DCAF1: variants seen among roughly 807,000 people sequenced by gnomAD.
The protein encoded by DCAF1 is DDB1 and CUL4 associated factor 1.
A neutral mutation model predicts 128.0 loss-of-function variants in DCAF1; 15 were observed. The ratio of observed to expected loss-of-function variants is 0.12; its 90% CI spans 0.08 to 0.18. The LOEUF is 0.18. DCAF1 is among the 10% of genes least tolerant of loss of function. DCAF1 has a pLI of 1.00. For missense variants in DCAF1, 988 were observed against 1,649.5 expected, an observed-to-expected ratio of 0.60 and a Z score of 6.95; for synonymous variants, 610 against 603.0, an observed-to-expected ratio of 1.01 and a Z score of -0.17.
chr3:51,492,810 T>C (rs1329517811), intron 2 of DCAF1, among the ~76,000 whole-genome samples: 3 of 150,440 alleles, frequency 2.0e-5, no homozygotes, highest in Admixed American at 6.7e-5. Context: ...CTGGCTAACA[T>C]GGTGAAACCC....
intron 24 of DCAF1, among the ~76,000 whole-genome samples, 155 bp downstream of exon 24, chr3:51,402,988 G>T (rs113383899): frequency 1.3e-5 from 2 of 152,326 alleles, no homozygotes; most frequent in African/African-American, 4.8e-5. Context: ...GGAGGGCAGA[G>T]ATGCAAAGGT....
intron 6 of DCAF1, among the ~76,000 whole-genome samples, chr3:51,447,953 A>G (rs988947619): frequency 9.9e-5 from 15 of 152,062 alleles, no homozygotes; most frequent in Non-Finnish European, 2.1e-4. Flanking sequence ...ACTCAATTAA[A>G]AAAAAAAAAG....
At chr3:51,417,973 G>A (rs1345432110) in intron 17 of DCAF1, 143 bp downstream of exon 17, 5 of 1,012,594 alleles carry the variant, frequency 4.9e-6, no homozygotes, top group Non-Finnish European at 7.1e-6. Context: ...TATTAAACAT[G>A]AGTCTTAGAT....
Position 51,471,024 on chromosome 3 carries a change from G to A in DCAF1, c.111-19C>T, listed in dbSNP as rs558050576. ...AGACATCCTAGCACAAAGGAAACAA[G>A]GGGTCAACTCTGGACAAGCATAAAA... On this transcript the variant is annotated intron_variant, in intron 3 of 24. Coordinates refer to ENST00000684031, the MANE Select transcript of DCAF1 (RefSeq NM_001387579.1). 66 of 1,569,708 alleles carry A rather than the reference G, an allele frequency of 4.2e-5. No homozygotes were observed. The Middle Eastern group carries it at 1.0e-3, about 24-fold the overall frequency.
chr3:51,452,807 T>C (rs566269338), intron 6 of DCAF1, among the ~76,000 whole-genome samples: 62 of 152,186 alleles, frequency 4.1e-4, no homozygotes, highest in Middle Eastern at 3.4e-3. Context: ...AGGTCAGGAA[T>C]TCAAGACCAG....
intron 3 of DCAF1, among the ~76,000 whole-genome samples, chr3:51,475,894 T>G (rs1257269766): frequency 4.6e-5 from 7 of 151,438 alleles, no homozygotes; most frequent in African/African-American, 1.7e-4. Context: ...TGGAGCCAGA[T>G]TTTCAGGGTT....
chr3:51,452,206 A>T (rs374907423), intron 6 of DCAF1, among the ~76,000 whole-genome samples: 1 of 152,006 alleles, frequency 6.6e-6, no homozygotes, highest in Admixed American at 6.6e-5. Flanking sequence ...GCACCACTAC[A>T]CCCACAAAGA....
downstream of DCAF1, chr3:51,396,840 CTTGA>C (rs1347536183): frequency 2.4e-5 from 4 of 167,234 alleles, no homozygotes; most frequent in African/African-American, 9.6e-5. Flanking sequence ...GCTTTCACTA[CTTGA>C]TTGTTAACCT....
chr3:51,434,114 G>A (rs1471135105), intron 9 of DCAF1, among the ~76,000 whole-genome samples: 1 of 150,466 alleles, frequency 6.6e-6, no homozygotes, highest in Non-Finnish European at 1.5e-5. Context: ...TATAAGTAAT[G>A]ATATTGGTCA....
In DCAF1 at chr3:51,427,488, T is replaced by C. The variant is rs782566437; in HGVS notation, c.1731A>G (p.Glu577=). 1.3e-6 allele frequency: 1 copy of C among 777,514 alleles called. No homozygotes were observed. The highest frequency in any genetic ancestry group is 2.4e-6 in the Non-Finnish European group (1 of 416,492). 48.2% of individuals were successfully genotyped at this position (777,514 alleles called of 1,614,324 possible). Residue 577 remains glutamate, a synonymous_variant, in exon 13 of 25, where the codon GAA becomes GAG. Transcript: ENST00000684031. ...QIVEMMEFLI[E]YGPAQLYWEP... ...CCCAATATAGCTGCGCTGGGCCATATTCTATCAAAAATTCCATCATTTCCA... is the reference window on the plus strand; with the variant it reads ...CCCAATATAGCTGCGCTGGGCCATACTCTATCAAAAATTCCATCATTTCCA...
At chr3:51,464,988 C>T (rs1014669103) in intron 5 of DCAF1, among the ~76,000 whole-genome samples, 14 of 152,090 alleles carry the variant, frequency 9.2e-5, no homozygotes, top group Non-Finnish European at 2.1e-4. Context: ...AATAGAAAGC[C>T]ATTAATGGAT....
chr3:51,436,386 C>T (rs1405918571), intron 9 of DCAF1: 1 of 520,006 alleles, frequency 1.9e-6, no homozygotes, highest in African/African-American at 1.9e-5. Context: ...GCTGCAGTTT[C>T]TGCATGTATA....
At chr3:51,481,314 A>C (rs1289268905) in intron 3 of DCAF1, among the ~76,000 whole-genome samples, 1 of 152,158 alleles carries the variant, frequency 6.6e-6, no homozygotes, top group Admixed American at 6.6e-5. Flanking sequence ...TCTTTCAGCA[A>C]GGGGGAGGAT....
At chr3:51,443,992 A>AT in intron 6 of DCAF1, 89 bp from the exon 7 acceptor site, 1 of 1,284,384 alleles carries the variant, frequency 7.8e-7, no homozygotes, top group Non-Finnish European at 1.1e-6. Flanking sequence ...CATGAAAAAA[A>AT]TTTTAATATT....
chr3:51,443,059 A>G (rs1318944649), intron 7 of DCAF1, among the ~76,000 whole-genome samples: 3 of 152,038 alleles, frequency 2.0e-5, no homozygotes, highest in African/African-American at 7.2e-5. Context: ...CTGCAGAAGT[A>G]CCCCAGAACT....
chr3:51,467,166 T>C (rs1482128577), intron 4 of DCAF1, among the ~76,000 whole-genome samples: 1 of 152,034 alleles, frequency 6.6e-6, no homozygotes, highest in Non-Finnish European at 1.5e-5. Context: ...ATCCCATCTC[T>C]ACTAAAAATA....
At chr3:51,415,541 A>G (rs1698802055) in intron 18 of DCAF1, among the ~76,000 whole-genome samples, 1 of 152,120 alleles carries the variant, frequency 6.6e-6, no homozygotes. Context: ...GACAAGTCCC[A>G]TATTTATATT....
intron 6 of DCAF1, among the ~76,000 whole-genome samples, chr3:51,453,587 T>C (rs1438772514): frequency 6.6e-6 from 1 of 152,038 alleles, no homozygotes; most frequent in Non-Finnish European, 1.5e-5. Flanking sequence ...AGCTTTTCTT[T>C]TAACCTGTCT....
chr3:51,428,760 G>A (rs1553634749), intron 12 of DCAF1, among the ~76,000 whole-genome samples: 1 of 152,022 alleles, frequency 6.6e-6, no homozygotes, highest in Non-Finnish European at 1.5e-5. Flanking sequence ...TTGGGAGGTC[G>A]AGGTGGGAGG....
Sources: gnomAD v4.1 joint callset for allele counts (sites outside exome capture counted in the v4.1 genomes callset) on GRCh38, gnomAD v4.1.1 for gene constraint, MANE v1.5 for transcripts, NCBI Gene and HGNC (gene_info 2026-07-23, HGNC 2026-07-21) for gene names.